The following ROBO1 variants were observed in gnomAD, a reference collection of about 807,000 sequenced individuals.
ROBO1 encodes the protein roundabout guidance receptor 1.
Under a neutral mutation model 195.9 loss-of-function variants are expected in ROBO1, and 149 were observed. The ratio of observed to expected loss-of-function variants is 0.76; its 90% CI spans 0.67 to 0.87. The LOEUF (loss-of-function observed/expected upper bound fraction) is 0.87, where lower values mean the gene tolerates loss of function less well. Among genes scored for constraint, ROBO1 ranks in the 40% least tolerant of loss-of-function variants. The probability of loss-of-function intolerance (pLI) is 0.00; values close to 1 mark genes in which losing one functional copy is unlikely to be tolerated. For synonymous variants in ROBO1, 816 were observed against 733.2 expected (o/e 1.11, Z -1.82); for missense variants, 1,933 against 2,068.3 (o/e 0.93, Z 1.27).
intron 2 of ROBO1, among the ~76,000 whole-genome samples, chr3:79,198,728 T>C (rs1259421138): frequency 6.6e-6 from 1 of 152,146 alleles, no homozygotes; most frequent in Non-Finnish European, 1.5e-5. Context: ...CAGTGGTTTG[T>C]AGTTCTCCTT....
At chr3:79,644,839 A>C (rs1945770928) in intron 1 of ROBO1, among the ~76,000 whole-genome samples, 1 of 152,184 alleles carries the variant, frequency 6.6e-6, no homozygotes, top group Non-Finnish European at 1.5e-5. Flanking sequence ...CAAATTCATA[A>C]AAGTAGAAAT....
chr3:78,937,698 T>C (rs1560020054), intron 4 of ROBO1, among the ~76,000 whole-genome samples: 1 of 152,162 alleles, frequency 6.6e-6, no homozygotes, highest in Non-Finnish European at 1.5e-5. Flanking sequence ...ATGAGCTGTA[T>C]TTGGTGCTAG....
intron 3 of ROBO1, among the ~76,000 whole-genome samples, chr3:79,028,599 C>T (rs1270884680): frequency 2.0e-5 from 3 of 151,736 alleles, no homozygotes; most frequent in Non-Finnish European, 4.4e-5. Context: ...TATAGATATC[C>T]TATTAAAGCA....
intron 2 of ROBO1, among the ~76,000 whole-genome samples, chr3:79,482,695 C>G (rs1435866458): frequency 6.6e-6 from 1 of 151,972 alleles, no homozygotes; most frequent in Non-Finnish European, 1.5e-5. Context: ...CTAAGTAAGA[C>G]AGTATAAAAT....
intron 2 of ROBO1, among the ~76,000 whole-genome samples, chr3:79,171,768 C>T (rs957054031): frequency 1.3e-5 from 2 of 151,920 alleles, no homozygotes; most frequent in Non-Finnish European, 2.9e-5. Context: ...GTTATGGATA[C>T]AAAAGTCAGG....
chr3:78,689,889 A>C (rs2081132897), intron 8 of ROBO1, among the ~76,000 whole-genome samples: 1 of 151,866 alleles, frequency 6.6e-6, no homozygotes, highest in Non-Finnish European at 1.5e-5. Flanking sequence ...CAGTCTGCTC[A>C]CAAGAGTATA....
intron 4 of ROBO1, among the ~76,000 whole-genome samples, chr3:78,897,197 A>C (rs1441445605): frequency 1.3e-5 from 2 of 152,312 alleles, no homozygotes; most frequent in East Asian, 1.9e-4. Context: ...TGAGCAATAC[A>C]ATCACCTGGG....
intron 2 of ROBO1, among the ~76,000 whole-genome samples, chr3:79,230,795 C>T (rs2082304838): frequency 6.6e-6 from 1 of 152,090 alleles, no homozygotes; most frequent in Non-Finnish European, 1.5e-5. Context: ...AAGCTGGAGG[C>T]ATCATGCTAC....
intron 10 of ROBO1, among the ~76,000 whole-genome samples, chr3:78,672,794 T>C (rs775945089): frequency 6.6e-6 from 1 of 152,074 alleles, no homozygotes; most frequent in East Asian, 1.9e-4. Flanking sequence ...TATATTCAGG[T>C]CTAGGATCTT....
intron 2 of ROBO1, among the ~76,000 whole-genome samples, chr3:79,359,872 G>C (rs1268201601): frequency 6.6e-6 from 1 of 151,974 alleles, no homozygotes; most frequent in Non-Finnish European, 1.5e-5. Context: ...CAGTAGGCGT[G>C]CTGGACTTCA....
chr3:79,762,439 G>T (rs760396013), intron 1 of ROBO1, among the ~76,000 whole-genome samples: 1 of 152,082 alleles, frequency 6.6e-6, no homozygotes, highest in East Asian at 1.9e-4. Flanking sequence ...ACGAATAAAT[G>T]ATTACAATGG....
At chr3:79,449,373 T>C (rs1008541581) in intron 2 of ROBO1, among the ~76,000 whole-genome samples, 2 of 152,124 alleles carry the variant, frequency 1.3e-5, no homozygotes, top group African/African-American at 4.8e-5. Context: ...CTCTGATTTA[T>C]AAAATAATTT....
intron 2 of ROBO1, among the ~76,000 whole-genome samples, chr3:79,503,006 A>T (rs1257542061): frequency 6.6e-6 from 1 of 152,146 alleles, no homozygotes; most frequent in African/African-American, 2.4e-5. Flanking sequence ...CAGATAAGAG[A>T]ATAAAAGCAG....
At chr3:79,578,842 A>G (rs1406715204) in intron 2 of ROBO1, among the ~76,000 whole-genome samples, 1 of 152,180 alleles carries the variant, frequency 6.6e-6, no homozygotes, top group Non-Finnish European at 1.5e-5. Context: ...AAATGGATGA[A>G]TTTTAACCAC....
At chr3:78,870,066 A>G (rs1019528914) in intron 4 of ROBO1, among the ~76,000 whole-genome samples, 1 of 152,194 alleles carries the variant, frequency 6.6e-6, no homozygotes, top group Non-Finnish European at 1.5e-5. Context: ...AGAAAACAAA[A>G]TCTTATGGAA....
intron 1 of ROBO1, among the ~76,000 whole-genome samples, chr3:79,603,819 A>G (rs1944406949): frequency 6.6e-6 from 1 of 152,024 alleles, no homozygotes; most frequent in East Asian, 1.9e-4. Context: ...TTTATTGAAC[A>G]CTTTCCCAAT....
chr3:79,660,340 G>A (rs1284673524), intron 1 of ROBO1, among the ~76,000 whole-genome samples: 1 of 151,970 alleles, frequency 6.6e-6, no homozygotes, highest in East Asian at 2.0e-4. Flanking sequence ...CAGAAGTAGT[G>A]TACATTTGGA....
At chr3:78,648,149 C>G (rs193200358) in intron 19 of ROBO1, among the ~76,000 whole-genome samples, 2 of 151,246 alleles carry the variant, frequency 1.3e-5, no homozygotes, top group African/African-American at 4.9e-5. Flanking sequence ...GAAGGAAAGG[C>G]AAGGAAAGGG....
intron 2 of ROBO1, among the ~76,000 whole-genome samples, chr3:79,487,537 C>A (rs1939227305): frequency 1.3e-5 from 2 of 152,098 alleles, no homozygotes; most frequent in Admixed American, 1.3e-4. Flanking sequence ...TATAAAGCCC[C>A]TTTATTCTAT....
Sources: allele counts gnomAD v4.1 joint callset (sites outside exome capture counted in the v4.1 genomes callset), GRCh38; gene constraint gnomAD v4.1.1; transcripts MANE v1.5; gene names NCBI Gene and HGNC (gene_info 2026-07-23, HGNC 2026-07-21).